SUCLA2: variants seen among roughly 807,000 people sequenced by gnomAD.
SUCLA2 encodes succinate--CoA ligase [ADP-forming] subunit beta, mitochondrial.
SUCLA2 carries 30 observed loss-of-function variants against 54.8 expected under a neutral mutation model. The ratio of observed to expected loss-of-function variants is 0.55; its 90% CI spans 0.41 to 0.74. The LOEUF is 0.74. Ranked by LOEUF, SUCLA2 falls within the 30% of genes least tolerant of loss-of-function variation. The pLI, the probability that SUCLA2 is intolerant of heterozygous loss-of-function variation, is 0.00. For missense variants in SUCLA2, 476 were observed against 562.9 expected, an observed-to-expected ratio of 0.85 and a Z score of 1.56; for synonymous variants, 172 against 188.9, an observed-to-expected ratio of 0.91 and a Z score of 0.74.
chr13:47,969,877 G>A (rs182752112), intron 5 of SUCLA2, among the ~76,000 whole-genome samples: 8 of 152,122 alleles, frequency 5.3e-5, no homozygotes, highest in East Asian at 1.9e-4. Flanking sequence ...CAAAGAGGGC[G>A]GATCACTTGA....
At chr13:47,964,836 G>A (rs893483545) in intron 6 of SUCLA2, among the ~76,000 whole-genome samples, 15 of 152,004 alleles carry the variant, frequency 9.9e-5, no homozygotes, top group African/African-American at 3.4e-4. Context: ...CAGCCTGGGT[G>A]ACAGAGCAAG....
intron 10 of SUCLA2, 120 bp from the exon 11 acceptor site, chr13:47,943,565 A>C (rs1035365786): frequency 4.8e-6 from 4 of 836,384 alleles, no homozygotes; most frequent in Non-Finnish European, 8.1e-6. Flanking sequence ...TGACATTGCT[A>C]TAAATCACAT....
intron 2 of SUCLA2, among the ~76,000 whole-genome samples, chr13:47,989,491 G>A (rs546347596): frequency 2.7e-5 from 4 of 149,144 alleles, no homozygotes; most frequent in Non-Finnish European, 5.9e-5. Context: ...GATTACAGGC[G>A]TGAGCCAGTG....
At chr13:47,986,680 G>A (rs1236088693) in intron 4 of SUCLA2, among the ~76,000 whole-genome samples, 1 of 152,142 alleles carries the variant, frequency 6.6e-6, no homozygotes, top group Non-Finnish European at 1.5e-5. Flanking sequence ...ATAGTTTTGA[G>A]TTTTACATTT....
intron 10 of SUCLA2, among the ~76,000 whole-genome samples, chr13:47,945,285 T>C (rs1370937381): frequency 6.9e-6 from 1 of 145,028 alleles, no homozygotes; most frequent in Non-Finnish European, 1.5e-5. Flanking sequence ...TAGCTGGGCG[T>C]GGTGGCACAC....
chr13:47,988,423 C>T, intron 4 of SUCLA2, 118 bp downstream of exon 4: 2 of 1,226,086 alleles, frequency 1.6e-6, no homozygotes, highest in Non-Finnish European at 1.2e-6. Flanking sequence ...TCATGACATA[C>T]AAACAGATTA....
At chr13:47,996,663 T>TAAG (rs1313495057) in intron 2 of SUCLA2, among the ~76,000 whole-genome samples, 180 bp downstream of exon 2, 3 of 151,792 alleles carry the variant, frequency 2.0e-5, no homozygotes, top group African/African-American at 7.3e-5. Context: ...GTGCTCATAA[T>TAAG]AATAATAATA....
chr13:47,973,790 G>A (rs1358697597), intron 4 of SUCLA2, among the ~76,000 whole-genome samples: 2 of 152,076 alleles, frequency 1.3e-5, no homozygotes, highest in Non-Finnish European at 2.9e-5. Flanking sequence ...TCCTTTGCAG[G>A]GACATGGATG....
chr13:47,971,642 A>G (rs925582767), intron 5 of SUCLA2: 2 of 358,646 alleles, frequency 5.6e-6, no homozygotes, highest in Non-Finnish European at 1.0e-5. Context: ...TTGTGAACAC[A>G]TACAAATTGA....
intron 6 of SUCLA2, among the ~76,000 whole-genome samples, chr13:47,967,411 T>G (rs73493345): frequency 0.023 from 3,478 of 152,106 alleles, 95 homozygotes; most frequent in East Asian, 0.098. Context: ...GATTAAAGAC[T>G]TAAAAGTAAA....
intron 6 of SUCLA2, among the ~76,000 whole-genome samples, chr13:47,966,331 A>G (rs1025109509): frequency 6.6e-6 from 1 of 152,160 alleles, no homozygotes; most frequent in African/African-American, 2.4e-5. Flanking sequence ...GGAATGATTT[A>G]GTTCAGCAAA....
intron 1 of SUCLA2, among the ~76,000 whole-genome samples, chr13:47,999,343 T>C (rs1950211366): frequency 1.3e-5 from 2 of 152,176 alleles, no homozygotes; most frequent in Admixed American, 1.3e-4. Context: ...TGCTGAAATA[T>C]CTATTTTCAA....
chr13:47,960,122 G>A lies in SUCLA2; in HGVS notation c.803-5565C>T, dbSNP rs560639145. Among the ~76,000 whole-genome samples the A allele has an allele frequency of 3.0e-4, 46 of 152,210 alleles. 3 individuals carry two copies. In the South Asian group the frequency reaches 8.9e-3, roughly 30 times the overall value. ...AGCCTCCAGGGTAGACTGAGTAGGG[G>A]AAAGATTGAGGGCTGGGTTTCCTGT... On this transcript the variant is annotated intron_variant, in intron 6 of 10. Transcript: ENST00000646932.
Position 47,943,169 on chromosome 13 carries a change from A to T in SUCLA2, c.*202T>A. 1 of 559,908 alleles carries T rather than the reference A, an allele frequency of 1.8e-6. No homozygotes were observed. The allele number at this position is 559,908 out of a possible 1,614,324, so 34.7% of individuals were successfully genotyped here. A position where few individuals can be genotyped will look rare whatever the true frequency, so the allele number is the denominator to read the frequency against. ...TGGCTGCGACAAAAGAAAGAAGATAACTGCATTATACATGCTTCGTACAAA... is the reference window on the plus strand; with the variant it reads ...TGGCTGCGACAAAAGAAAGAAGATATCTGCATTATACATGCTTCGTACAAA... On this transcript the variant is annotated 3_prime_UTR_variant, in exon 11 of 11. Transcript: ENST00000646932.
intron 1 of SUCLA2, 43 bp downstream of exon 1, chr13:48,001,137 C>T (rs1472912243): frequency 6.3e-7 from 1 of 1,575,736 alleles, no homozygotes; most frequent in East Asian, 2.3e-5. Context: ...CTCACCCTTT[C>T]TCCTGCCGAC....
intron 6 of SUCLA2, among the ~76,000 whole-genome samples, chr13:47,962,501 A>G (rs2137705859): frequency 6.6e-6 from 1 of 152,338 alleles, no homozygotes; most frequent in East Asian, 1.9e-4. Context: ...GGCCAAGTAT[A>G]TGGGACTGAA....
At chr13:47,976,046 A>C (rs1950009609) in intron 4 of SUCLA2, among the ~76,000 whole-genome samples, 1 of 152,162 alleles carries the variant, frequency 6.6e-6, no homozygotes, top group East Asian at 1.9e-4. Flanking sequence ...TGGGAGTTCG[A>C]GACCAGCCTG....
At chr13:47,981,038 C>A (rs1383399338) in intron 4 of SUCLA2, among the ~76,000 whole-genome samples, 1 of 151,976 alleles carries the variant, frequency 6.6e-6, no homozygotes, top group Non-Finnish European at 1.5e-5. Context: ...TTGGATTTAG[C>A]AATGATTTCT....
Position 47,973,042 on chromosome 13 carries a change from G to A in SUCLA2, c.663+222C>T, listed in dbSNP as rs532496679. Among the ~76,000 whole-genome samples the A allele has an allele frequency of 2.6e-5, 4 of 152,098 alleles. No homozygotes were observed. The South Asian group carries it at 6.2e-4, about 24-fold the overall frequency. ...TGGGATTACAGGCGTGAGACACCGT[G>A]CCCGGCCAGTGACTCTTTTAAAAGA... On this transcript the variant is annotated intron_variant, in intron 5 of 10. Coordinates refer to ENST00000646932, the MANE Select transcript of SUCLA2 (RefSeq NM_003850.3).
Sources: allele counts gnomAD v4.1 joint callset (sites outside exome capture counted in the v4.1 genomes callset), GRCh38; gene constraint gnomAD v4.1.1; transcripts MANE v1.5; gene names NCBI Gene and HGNC (gene_info 2026-07-23, HGNC 2026-07-21).